The following COL6A5 variants were observed in gnomAD, a reference collection of about 807,000 sequenced individuals.
COL6A5 encodes the protein collagen type VI alpha 5 chain, also known as collagen alpha-5(VI) chain.
In COL6A5, 48 loss-of-function variants were observed where a neutral mutation model predicts 65.6. The ratio of observed to expected loss-of-function variants is 0.73; its 90% CI spans 0.58 to 0.93. The LOEUF is 0.93. COL6A5 is among the 40% of genes least tolerant of loss of function. The pLI is 0.00. For missense variants in COL6A5, 914 were observed against 928.3 expected (o/e 0.98, Z 0.20); for synonymous variants, 291 against 322.8 (o/e 0.90, Z 1.05).
At chr3:130,379,841 A>T in exon 4 of COL6A5, 2 of 1,551,370 alleles carry the variant, frequency 1.3e-6, no homozygotes, top group Non-Finnish European at 1.7e-6. Flanking sequence ...CTTCGACTGG[A>T]GGATGTAAAC....
chr3:130,379,852 G>C, exon 4 of COL6A5: 2 of 1,551,330 alleles, frequency 1.3e-6, no homozygotes, highest in Non-Finnish European at 8.7e-7. Flanking sequence ...GGATGTAAAC[G>C]TGTTTGCCTT....
intron 2 of COL6A5, among the ~76,000 whole-genome samples, chr3:130,375,835 A>G (rs1935747297): frequency 6.6e-6 from 1 of 152,052 alleles, no homozygotes; most frequent in East Asian, 1.9e-4. Context: ...GCATGGGAGT[A>G]AGCACCTCCA....
At position 130,439,598 on chromosome 3, in the gene COL6A5, G is replaced by A. The variant is rs1001830798; in HGVS notation, c.566G>A (p.Arg189His). The change falls in exon 2 of 8, where the codon CGC becomes CAC. Residue 189 changes from arginine (R) to histidine (H), a missense_variant. Arg to His is a conservative substitution (Grantham distance 29). Coordinates refer to ENST00000512836, the Ensembl canonical transcript of COL6A5. ...AATCAAACATTAGAAAGACTTCGGC[G>A]CTGTGCACTTTGCTATGGTAAGACC... 3.7e-5 allele frequency: 58 copies of A among 1,550,664 alleles called. No individual in the cohort carries two copies. The highest frequency in any genetic ancestry group is 6.9e-5 in the African/African-American group (5 of 72,960).
chr3:130,372,165 A>C (rs1935590522), intron 1 of COL6A5, among the ~76,000 whole-genome samples: 1 of 152,194 alleles, frequency 6.6e-6, no homozygotes, highest in Non-Finnish European at 1.5e-5. Context: ...AATGGAAAAT[A>C]AGTGTTGATG....
At position 130,345,847 on chromosome 3, in the gene COL6A5, C is replaced by A. The variant is rs1577410885; in HGVS notation, c.-163C>A. 11 of 398,438 alleles carry A rather than the reference C, an allele frequency of 2.8e-5. No homozygotes were observed. The East Asian group carries it at 3.6e-4, about 13-fold the overall frequency. The allele number at this position is 398,438 out of a possible 1,614,324, so 24.7% of individuals were successfully genotyped here. On this transcript the variant is annotated 5_prime_UTR_variant and NMD_transcript_variant, in exon 1 of 42. Coordinates refer to the COL6A5 transcript ENST00000312481. ...GCGGCGCGGACCAGGGCTTCCGGCG[C>A]GCGCTCTATCCAACTGCGCCGCGGG...
At chr3:130,454,625 CA>C (rs1205982087) in intron 4 of COL6A5, among the ~76,000 whole-genome samples, 1 of 152,028 alleles carries the variant, frequency 6.6e-6, no homozygotes, top group African/African-American at 2.4e-5. Context: ...AATAAAAACA[CA>C]AAATTCTCAA....
chr3:130,426,708 C>T (rs1456230158), upstream of COL6A5, among the ~76,000 whole-genome samples: 4 of 151,514 alleles, frequency 2.6e-5, no homozygotes, highest in South Asian at 2.1e-4. Flanking sequence ...CAGTTATGAG[C>T]GAAAGGACTG....
At chr3:130,468,319 G>T (rs571591084) in intron 5 of COL6A5, among the ~76,000 whole-genome samples, 1 of 151,888 alleles carries the variant, frequency 6.6e-6, no homozygotes, top group Non-Finnish European at 1.5e-5. Context: ...TCATGACATT[G>T]CTCTATGGTG....
chr3:130,348,088 T>C (rs984329191), intron 1 of COL6A5, among the ~76,000 whole-genome samples: 30 of 152,180 alleles, frequency 2.0e-4, no homozygotes, highest in Non-Finnish European at 3.7e-4. Flanking sequence ...CCACTTGCCA[T>C]TCTCCAAGGA....
At chr3:130,394,940 A>C (rs1460118199) in exon 8 of COL6A5, 1 of 1,551,468 alleles carries the variant, frequency 6.4e-7, no homozygotes, top group African/African-American at 1.4e-5. Context: ...TGGCTCTGAC[A>C]GGGTATCTAA....
At chr3:130,418,562 T>C (rs1937424743) in intron 24 of COL6A5, among the ~76,000 whole-genome samples, 1 of 152,128 alleles carries the variant, frequency 6.6e-6, no homozygotes, top group Admixed American at 6.5e-5. Flanking sequence ...CAATAAGTAA[T>C]TGTTGGATAG....
intron 4 of COL6A5, among the ~76,000 whole-genome samples, chr3:130,451,660 G>T (rs1019619532): frequency 6.6e-6 from 1 of 151,988 alleles, no homozygotes; most frequent in Non-Finnish European, 1.5e-5. Context: ...TACATGTGCC[G>T]GCTTTTCATG....
intron 1 of COL6A5, among the ~76,000 whole-genome samples, chr3:130,371,303 T>G (rs1378486505): frequency 6.6e-6 from 1 of 152,064 alleles, no homozygotes; most frequent in South Asian, 2.1e-4. Flanking sequence ...TTTCTTTTTT[T>G]TTTTCAGAAA....
At chr3:130,379,119 G>A (rs541339034) in intron 3 of COL6A5, among the ~76,000 whole-genome samples, 1 of 152,024 alleles carries the variant, frequency 6.6e-6, no homozygotes, top group Non-Finnish European at 1.5e-5. Flanking sequence ...TGGTGGTGGT[G>A]ATCATACAAG....
intron 29 of COL6A5, among the ~76,000 whole-genome samples, chr3:130,425,361 C>T (rs1937583558): frequency 6.6e-6 from 1 of 152,082 alleles, no homozygotes; most frequent in Admixed American, 6.6e-5. Context: ...TGCCGACATC[C>T]CTGGTTGAAC....
chr3:130,450,870 A>C (rs1392107257), intron 4 of COL6A5, among the ~76,000 whole-genome samples: 5 of 152,138 alleles, frequency 3.3e-5, no homozygotes, highest in Admixed American at 6.6e-5. Context: ...TAAGTATCAG[A>C]GAAACTATTG....
At chr3:130,429,428 C>A (rs1937701271), upstream of COL6A5, 1 of 626,448 alleles carries the variant, frequency 1.6e-6, no homozygotes, top group Non-Finnish European at 2.7e-6. Flanking sequence ...AATACTTTAA[C>A]CTTGGCTTCC....
At chr3:130,419,110 A>G (rs1343024579) in intron 25 of COL6A5, among the ~76,000 whole-genome samples, 179 bp downstream of exon 25, 1 of 152,086 alleles carries the variant, frequency 6.6e-6, no homozygotes, top group Non-Finnish European at 1.5e-5. Context: ...TAGTCTGTCA[A>G]CGTGAAGGAG....
intron 3 of COL6A5, among the ~76,000 whole-genome samples, chr3:130,378,477 C>T (rs1233098095): frequency 6.6e-6 from 1 of 152,118 alleles, no homozygotes; most frequent in African/African-American, 2.4e-5. Context: ...TATCTCTTTC[C>T]TGGACTAGGG....
Sources: gnomAD v4.1 joint callset for allele counts (sites outside exome capture counted in the v4.1 genomes callset) on GRCh38, gnomAD v4.1.1 for gene constraint, MANE v1.5 for transcripts, NCBI Gene and HGNC (gene_info 2026-07-23, HGNC 2026-07-21) for gene names.